FHIT: variants seen among roughly 807,000 people sequenced by gnomAD.
FHIT encodes the protein bis(5'-adenosyl)-triphosphatase.
FHIT carries 19 observed loss-of-function variants against 17.9 expected under a neutral mutation model. That is an observed-to-expected ratio of 1.06 (90% CI 0.74 to 1.56). The LOEUF (loss-of-function observed/expected upper bound fraction) is 1.56, where lower values mean the gene tolerates loss of function less well. Ranked by LOEUF, FHIT falls within the 40% of genes most tolerant of loss-of-function variation. The pLI is 0.00. For synonymous variants in FHIT, 81 were observed against 69.7 expected (o/e 1.16, Z -0.81); for missense variants, 248 against 189.2 (o/e 1.31, Z -1.82).
At chr3:61,115,846 A>G (rs908640310) in intron 2 of FHIT, among the ~76,000 whole-genome samples, 4 of 152,212 alleles carry the variant, frequency 2.6e-5, no homozygotes, top group Non-Finnish European at 5.9e-5. Context: ...CACGCTGTTC[A>G]TATGAGAGAT....
chr3:60,450,087 C>T lies in FHIT; in HGVS notation c.103+86773G>A, dbSNP rs73098261. Among the ~76,000 whole-genome samples, 448 of 149,330 alleles carry T rather than the reference C, an allele frequency of 3.0e-3. 3 individuals carry two copies. Among genetic ancestry groups the T allele is most frequent in the Middle Eastern group, 7.0e-3 (2 of 284 alleles). ...GAGCACTTAACATGAATGAAGCTTA[C>T]GGGACTAGAAATTGTTCTGGGTGAG... On this transcript the variant is annotated intron_variant, in intron 5 of 9. Coordinates refer to ENST00000492590, the MANE Select transcript of FHIT (RefSeq NM_002012.4).
rs775714021 is a variant in FHIT at position 59,749,547 on chromosome 3, C to CTCTT, written c.*34_*37dup. The CTCTT allele has an allele frequency of 2.0e-4, 46 of 231,184 alleles. No individual in the cohort carries two copies. Among genetic ancestry groups the CTCTT allele is most frequent in the Non-Finnish European group, 2.5e-4 (29 of 116,922 alleles). 14.3% of individuals were successfully genotyped at this position (231,184 alleles called of 1,614,324 possible). A position where few individuals can be genotyped will look rare whatever the true frequency, so the allele number is the denominator to read the frequency against. On this transcript the variant is annotated 3_prime_UTR_variant, in exon 10 of 10. Transcript: ENST00000492590. ...CGGTCTTCAAACTGGTTGGCAATAG[C>CTCTT]TCTTTTGCTGGAATTCAGGATCTGA... is the stretch of plus-strand genomic sequence containing the variant.
intron 4 of FHIT, among the ~76,000 whole-genome samples, chr3:60,651,546 T>C (rs1559614630): frequency 6.6e-6 from 1 of 152,052 alleles, no homozygotes; most frequent in Non-Finnish European, 1.5e-5. Flanking sequence ...CCAATCTTTT[T>C]TTTTTTCAAT....
chr3:60,635,992 G>C (rs1577008479), intron 4 of FHIT, among the ~76,000 whole-genome samples: 1 of 152,244 alleles, frequency 6.6e-6, no homozygotes, highest in East Asian at 1.9e-4. Flanking sequence ...CAGGAGAATA[G>C]GAGCATTTTC....
intron 5 of FHIT, among the ~76,000 whole-genome samples, chr3:60,450,249 T>C (rs1427896606): frequency 6.6e-6 from 1 of 152,060 alleles, no homozygotes; most frequent in Non-Finnish European, 1.5e-5. Flanking sequence ...ACTATGACAT[T>C]ACAATGTCTA....
At chr3:60,500,898 CT>C (rs2034500411) in intron 5 of FHIT, among the ~76,000 whole-genome samples, 1 of 151,364 alleles carries the variant, frequency 6.6e-6, no homozygotes, top group African/African-American at 2.4e-5. Context: ...TGATTGGCTT[CT>C]TTTTGGAAGA....
At chr3:60,322,125 C>A (rs185094654) in intron 5 of FHIT, among the ~76,000 whole-genome samples, 2 of 152,200 alleles carry the variant, frequency 1.3e-5, no homozygotes, top group Non-Finnish European at 2.9e-5. Context: ...CATAGAAATA[C>A]CGTGGGCCCA....
intron 8 of FHIT, among the ~76,000 whole-genome samples, chr3:59,801,971 A>C (rs1700012134): frequency 6.6e-6 from 1 of 152,148 alleles, no homozygotes; most frequent in Non-Finnish European, 1.5e-5. Flanking sequence ...CATTTTCCAG[A>C]CTACACCCAT....
chr3:60,323,103 A>T (rs1162312981), intron 5 of FHIT, among the ~76,000 whole-genome samples: 1 of 152,108 alleles, frequency 6.6e-6, no homozygotes, highest in Non-Finnish European at 1.5e-5. Context: ...TCCTACACAG[A>T]GGCAAAATAT....
Position 60,014,094 on chromosome 3 carries a change from T to C in FHIT, c.162A>G (p.Glu54=), listed in dbSNP as rs371838893. 1.7e-4 allele frequency: 280 copies of C among 1,614,036 alleles called. No individual in the cohort carries two copies. Among genetic ancestry groups the C allele is most frequent in the Non-Finnish European group, 2.3e-4 (270 of 1,179,948 alleles). Reference sequence around the variant, plus strand: ...GGGTCGTCTGAAACAAATCGGCCACTTCATCAGGACGCAGGTCATGGAAGC... The same window carrying C: ...GGGTCGTCTGAAACAAATCGGCCACCTCATCAGGACGCAGGTCATGGAAGC... ...VERFHDLRPD[E]VADLFQTTQR... Residue 54 remains glutamate (E), a synonymous_variant, in exon 6 of 10, where the codon GAA becomes GAG. Transcript: ENST00000492590.
chr3:61,175,543 A>G (rs569238102), intron 2 of FHIT, among the ~76,000 whole-genome samples: 1 of 152,164 alleles, frequency 6.6e-6, no homozygotes, highest in East Asian at 1.9e-4. Context: ...ATTAATAATT[A>G]ATTAAATTGT....
chr3:60,207,961 G>A (rs967983265), intron 5 of FHIT, among the ~76,000 whole-genome samples: 3 of 152,124 alleles, frequency 2.0e-5, no homozygotes, highest in African/African-American at 7.2e-5. Flanking sequence ...GTGAGGAGCT[G>A]GTAAGAGCAA....
intron 8 of FHIT, among the ~76,000 whole-genome samples, chr3:59,770,154 C>T (rs1311905810): frequency 1.3e-5 from 2 of 152,198 alleles, no homozygotes; most frequent in Non-Finnish European, 2.9e-5. Context: ...AGGCTCAATT[C>T]ACCTAGGGCT....
rs184282349 is a variant in FHIT at position 59,946,336 on chromosome 3, G to A, written c.280-23922C>T. Among the ~76,000 whole-genome samples, 21 of 152,264 alleles carry A rather than the reference G, an allele frequency of 1.4e-4. No individual in the cohort carries two copies. The East Asian group carries it at 2.1e-3, about 15-fold the overall frequency. ...GGCTCTCACCTTGAATACTGTTGGT[G>A]TATAGAAAAAGCTACTAATTTTTTA... is the stretch of plus-strand genomic sequence containing the variant. On this transcript the variant is annotated intron_variant, in intron 7 of 9. Transcript: ENST00000492590.
intron 4 of FHIT, among the ~76,000 whole-genome samples, chr3:60,651,054 T>C (rs549516064): frequency 6.6e-6 from 1 of 152,266 alleles, no homozygotes; most frequent in Admixed American, 6.5e-5. Flanking sequence ...AAAAACTATT[T>C]ATAAACATTA....
At chr3:60,789,168 A>G (rs556786941) in intron 4 of FHIT, among the ~76,000 whole-genome samples, 97 of 120,986 alleles carry the variant, frequency 8.0e-4, no homozygotes, top group African/African-American at 3.0e-3. Context: ...ATATATATAT[A>G]TATATATAGA....
intron 5 of FHIT, among the ~76,000 whole-genome samples, chr3:60,194,244 G>A (rs922956798): frequency 6.6e-6 from 1 of 152,056 alleles, no homozygotes; most frequent in Non-Finnish European, 1.5e-5. Flanking sequence ...TAGATTTATA[G>A]GCCAATGGAA....
chr3:60,627,449 A>T (rs2039319872), intron 4 of FHIT, among the ~76,000 whole-genome samples: 1 of 152,182 alleles, frequency 6.6e-6, no homozygotes, highest in Admixed American at 6.6e-5. Context: ...ATAGTCATAC[A>T]TTTATTCATT....
chr3:60,387,973 C>T (rs1037051102), intron 5 of FHIT, among the ~76,000 whole-genome samples: 2 of 152,068 alleles, frequency 1.3e-5, no homozygotes, highest in Non-Finnish European at 2.9e-5. Flanking sequence ...CCTGACACCT[C>T]CCACCCTTCT....
Sources: gnomAD v4.1 joint callset for allele counts (sites outside exome capture counted in the v4.1 genomes callset) on GRCh38, gnomAD v4.1.1 for gene constraint, MANE v1.5 for transcripts, NCBI Gene and HGNC (gene_info 2026-07-23, HGNC 2026-07-21) for gene names.